IL1RAP: variants seen among roughly 807,000 people sequenced by gnomAD.
The protein encoded by IL1RAP is interleukin-1 receptor accessory protein.
Under a neutral mutation model 60.7 loss-of-function variants are expected in IL1RAP, and 35 were observed. That is an observed-to-expected ratio of 0.58 (90% CI 0.44 to 0.76). The LOEUF (loss-of-function observed/expected upper bound fraction) is 0.76, where lower values mean the gene tolerates loss of function less well. Among genes scored for constraint, IL1RAP ranks in the 30% least tolerant of loss-of-function variants. IL1RAP has a pLI of 0.00. For missense variants in IL1RAP, 572 were observed against 693.9 expected (o/e 0.82, Z 1.97); for synonymous variants, 268 against 250.9 (o/e 1.07, Z -0.64).
In IL1RAP at chr3:190,622,795, T is replaced by C. The variant is rs184729594; in HGVS notation, c.704-549T>C. On this transcript the variant is annotated intron_variant, in intron 6 of 11. Coordinates refer to ENST00000447382, the MANE Select transcript of IL1RAP (RefSeq NM_002182.4). ...TCCGAACCTCATTGTTTAGGGTTTT[T>C]ATGGAGGTTCCGTCACACAGGCATT... Among the ~76,000 whole-genome samples, 5 of 152,200 alleles carry C rather than the reference T, an allele frequency of 3.3e-5. No homozygotes were observed. The East Asian group carries it at 7.8e-4, about 24-fold the overall frequency.
intron 3 of IL1RAP, among the ~76,000 whole-genome samples, chr3:190,572,859 G>GTTTTTGTTTTT (rs1307393517): frequency 2.6e-5 from 1 of 39,052 alleles, no homozygotes; most frequent in Non-Finnish European, 4.4e-5. Flanking sequence ...TTAATGCTTT[G>GTTTTTGTTTTT]TTTTTTTTTT....
At chr3:190,520,325 T>C (rs1721904862) in intron 1 of IL1RAP, among the ~76,000 whole-genome samples, 1 of 152,238 alleles carries the variant, frequency 6.6e-6, no homozygotes, top group Non-Finnish European at 1.5e-5. Flanking sequence ...TTATCAATAG[T>C]ATTAGTTGTG....
At chr3:190,603,980 G>A (rs776093152) in intron 3 of IL1RAP, 148 bp from the exon 4 acceptor site, 78 of 699,796 alleles carry the variant, frequency 1.1e-4, no homozygotes, top group Non-Finnish European at 1.6e-4. Context: ...GGTGCCTACT[G>A]TATGCAATTA....
rs570339129 is a variant in IL1RAP at position 190,558,660 on chromosome 3, CT to C, written c.-2+2446del. Among the ~76,000 whole-genome samples, 696 of 152,144 alleles carry C rather than the reference CT, an allele frequency of 4.6e-3. 2 individuals carry two copies. Among genetic ancestry groups the C allele is most frequent in the African/African-American group, 0.014 (579 of 41,518 alleles). On this transcript the variant is annotated intron_variant, in intron 2 of 11. Coordinates refer to ENST00000447382, the MANE Select transcript of IL1RAP (RefSeq NM_002182.4). The stretch of plus-strand genomic sequence containing the variant: ...CTTGTATGATTCCTCCAACTTTATT[CT>C]TCTTTTTCAAAATTTTTCTCAATGT...
chr3:190,549,943 G>A (rs753480292), intron 1 of IL1RAP, among the ~76,000 whole-genome samples: 7 of 152,180 alleles, frequency 4.6e-5, no homozygotes, highest in Non-Finnish European at 7.3e-5. Context: ...TAGAAAGAGG[G>A]GAGCAGGCAT....
rs77663032 is a variant in IL1RAP at position 190,534,913 on chromosome 3, TAAAAA to T, written c.-89+20711_-89+20715del. On this transcript the variant is annotated intron_variant, in intron 1 of 11. Transcript: ENST00000447382. ...ATAAGAAGATAAAGTGTAAGAGAAT[TAAAAA>T]AAAAAAAAAAAAAAAAGAAAACCAG... 2.5e-3 allele frequency among the ~76,000 whole-genome samples: 314 copies of T among 127,518 alleles called. 1 individual carries two copies. Among genetic ancestry groups the T allele is most frequent in the African/African-American group, 8.7e-3 (290 of 33,328 alleles). 83.7% of individuals were successfully genotyped at this position (127,518 alleles called of 152,430 possible).
In IL1RAP at chr3:190,651,328, T is replaced by TA. The variant is rs1734387633; in HGVS notation, c.*2629dup. 1 of 919,708 alleles carries TA rather than the reference T, an allele frequency of 1.1e-6. No individual in the cohort carries two copies. The allele number at this position is 919,708 out of a possible 1,614,324, so 57.0% of individuals were successfully genotyped here. A position where few individuals can be genotyped will look rare whatever the true frequency, so the allele number is the denominator to read the frequency against. ...CTTAGATGATTCCCAAGGACTCTAATAAAAAATCACTTCATTGTATTTGGA... is the reference window on the plus strand; with the variant it reads ...CTTAGATGATTCCCAAGGACTCTAATAAAAAAATCACTTCATTGTATTTGGA... On this transcript the variant is annotated 3_prime_UTR_variant, in exon 12 of 12. Transcript: ENST00000447382.
intron 1 of IL1RAP, among the ~76,000 whole-genome samples, chr3:190,538,106 T>G (rs561592542): frequency 6.1e-4 from 93 of 152,246 alleles, no homozygotes; most frequent in African/African-American, 2.0e-3. Context: ...AGATGCAAGA[T>G]CTTCCCCATG....
rs553809584 is a variant in IL1RAP, at chr3:190,586,001, C to T, written c.65-18127C>T. On this transcript the variant is annotated intron_variant, in intron 3 of 11. Transcript: ENST00000447382. ...TAACCCCGGCTGACTCATGGACTAA[C>T]TCATCATGGCTCACATCAGCCTGGA... Among the ~76,000 whole-genome samples the T allele has an allele frequency of 3.3e-5, 5 of 152,130 alleles. No homozygotes were observed. In the East Asian group the frequency reaches 7.8e-4, roughly 24 times the overall value.
chr3:190,613,188 GTCTTAC>G (rs5855341), intron 5 of IL1RAP, among the ~76,000 whole-genome samples: 102,086 of 151,380 alleles, frequency 0.67, 34,979 homozygotes, highest in East Asian at 0.81. Context: ...GCTATGTAAT[GTCTTAC>G]TCTGCATCTC....
At chr3:190,559,404 A>G (rs1725697225) in intron 2 of IL1RAP, among the ~76,000 whole-genome samples, 1 of 151,950 alleles carries the variant, frequency 6.6e-6, no homozygotes, top group African/African-American at 2.4e-5. Flanking sequence ...TACTCTATAA[A>G]ATTTCCTTTA....
chr3:190,654,190 T>TCTCACACA (rs1553854858), downstream of IL1RAP, among the ~76,000 whole-genome samples: 45 of 140,512 alleles, frequency 3.2e-4, 2 homozygotes, highest in South Asian at 7.3e-3. Flanking sequence ...AAACATCATA[T>TCTCACACA]CACACACACA....
intron 1 of IL1RAP, among the ~76,000 whole-genome samples, chr3:190,537,819 A>G (rs113997700): frequency 2.4e-3 from 367 of 152,230 alleles, no homozygotes; most frequent in African/African-American, 8.0e-3. Context: ...CATAAGACGT[A>G]TACGATTTCT....
chr3:190,635,268 T>C (rs1733130873), intron 9 of IL1RAP, among the ~76,000 whole-genome samples: 1 of 152,160 alleles, frequency 6.6e-6, no homozygotes, highest in African/African-American at 2.4e-5. Context: ...TTGTCCTTCA[T>C]CAGTCAAGAT....
intron 4 of IL1RAP, among the ~76,000 whole-genome samples, chr3:190,607,477 G>A (rs994551028): frequency 6.6e-6 from 1 of 152,092 alleles, no homozygotes; most frequent in Admixed American, 6.6e-5. Context: ...ATATTTTACA[G>A]AGGATAAGCG....
At chr3:190,655,073 TTG>T (rs559366890), downstream of IL1RAP, among the ~76,000 whole-genome samples, 1 of 152,184 alleles carries the variant, frequency 6.6e-6, no homozygotes, top group African/African-American at 2.4e-5. Context: ...AAGAATTTAA[TTG>T]ATAACAAGAT....
rs776618219 is a variant in IL1RAP, at chr3:190,564,295, A to G, written c.6A>G (p.Thr2=). 16 of 1,607,080 alleles carry G rather than the reference A, an allele frequency of 1.0e-5. No homozygotes were observed. In the Admixed American group the frequency reaches 1.7e-4, roughly 17 times the overall value. Residue 2 remains threonine, a synonymous_variant, in exon 3 of 12, where the codon ACA becomes ACG. Transcript: ENST00000447382. ...TTTGTATTTATGGTTACAGGATGACACTTCTGTGGTGTGTAGTGAGTCTCT... is the reference window on the plus strand; with the variant it reads ...TTTGTATTTATGGTTACAGGATGACGCTTCTGTGGTGTGTAGTGAGTCTCT... M[T]LLWCVVSLYF...
chr3:190,593,956 G>A (rs543447938), intron 3 of IL1RAP, among the ~76,000 whole-genome samples: 8 of 152,286 alleles, frequency 5.3e-5, no homozygotes, highest in Non-Finnish European at 7.4e-5. Context: ...GGAACAAAAA[G>A]AATATAAGTC....
intron 1 of IL1RAP, among the ~76,000 whole-genome samples, chr3:190,523,913 T>C (rs1577498261): frequency 6.6e-6 from 1 of 152,326 alleles, no homozygotes; most frequent in Middle Eastern, 3.4e-3. Flanking sequence ...GAGTGGTATT[T>C]CTTTTTGTAG....
Sources: allele counts gnomAD v4.1 joint callset (sites outside exome capture counted in the v4.1 genomes callset), GRCh38; gene constraint gnomAD v4.1.1; transcripts MANE v1.5; gene names NCBI Gene and HGNC (gene_info 2026-07-23, HGNC 2026-07-21).